Variants in TLL1 observed in about 807,000 individuals in gnomAD.
TLL1 encodes tolloid-like protein 1.
TLL1 carries 49 observed loss-of-function variants against 128.2 expected under a neutral mutation model. The ratio of observed to expected loss-of-function variants is 0.38; its 90% CI spans 0.30 to 0.48. TLL1 has a LOEUF of 0.48. Ranked by LOEUF, TLL1 falls within the 20% of genes least tolerant of loss-of-function variation. TLL1 has a pLI of 0.96. For missense variants in TLL1, 1,123 were observed against 1,242.0 expected (o/e 0.90, Z 1.44); for synonymous variants, 454 against 418.8 (o/e 1.08, Z -1.03).
chr4:165,950,896 A>G (rs1234510867), intron 1 of TLL1, among the ~76,000 whole-genome samples: 1 of 152,096 alleles, frequency 6.6e-6, no homozygotes, highest in African/African-American at 2.4e-5. Flanking sequence ...GAAGGAAATC[A>G]TAAAGATCAA....
chr4:166,024,671 T>C (rs1738409498), intron 8 of TLL1, among the ~76,000 whole-genome samples: 1 of 152,142 alleles, frequency 6.6e-6, no homozygotes, highest in Non-Finnish European at 1.5e-5. Context: ...TTAGACAAGC[T>C]TAGCAAGAGG....
At position 166,010,463 on chromosome 4, in the gene TLL1, T is replaced by A. The variant is rs1302780480; in HGVS notation, c.917+2415T>A. ...AATCTTTATTTAAGTCCTATGCCCA[T>A]GTCTAAATCAGGTTATTTGATTATT... On this transcript the variant is annotated intron_variant, in intron 7 of 20. Transcript: ENST00000061240. 2.0e-4 allele frequency among the ~76,000 whole-genome samples: 30 copies of A among 151,408 alleles called. No individual in the cohort carries two copies. The Admixed American group carries it at 2.0e-3, about 10-fold the overall frequency.
At chr4:165,994,672 A>G (rs1368387214) in intron 4 of TLL1, 139 bp downstream of exon 4, 1 of 977,122 alleles carries the variant, frequency 1.0e-6, no homozygotes, top group East Asian at 2.6e-5. Context: ...AACTTAGGTT[A>G]TTAGTGTAGA....
intron 5 of TLL1, among the ~76,000 whole-genome samples, chr4:165,999,680 C>T (rs1420086343): frequency 6.6e-6 from 1 of 151,110 alleles, no homozygotes; most frequent in African/African-American, 2.4e-5. Flanking sequence ...CACCATGTTG[C>T]CCAGGCTGGT....
intron 1 of TLL1, among the ~76,000 whole-genome samples, chr4:165,916,813 G>A (rs1364359780): frequency 6.6e-6 from 1 of 152,010 alleles, no homozygotes; most frequent in African/African-American, 2.4e-5. Context: ...TATACATTCC[G>A]ATTTTAGCAT....
At chr4:166,091,484 C>A in intron 19 of TLL1, 143 bp downstream of exon 19, 1 of 681,574 alleles carries the variant, frequency 1.5e-6, no homozygotes, top group Non-Finnish European at 2.5e-6. Context: ...GAAATATTTG[C>A]AGAACCATAC....
intron 1 of TLL1, among the ~76,000 whole-genome samples, chr4:165,899,845 T>C (rs890259299): frequency 6.6e-6 from 1 of 152,168 alleles, no homozygotes; most frequent in African/African-American, 2.4e-5. Flanking sequence ...ACTGTCATTG[T>C]GTAGGAGTCT....
intron 19 of TLL1, among the ~76,000 whole-genome samples, chr4:166,095,197 A>G (rs1223121267): frequency 1.3e-5 from 2 of 152,088 alleles, no homozygotes; most frequent in African/African-American, 2.4e-5. Context: ...AACACTATGA[A>G]TTTTTGAACT....
intron 1 of TLL1, among the ~76,000 whole-genome samples, chr4:165,936,855 C>G (rs1733786493): frequency 6.6e-6 from 1 of 152,100 alleles, no homozygotes; most frequent in African/African-American, 2.4e-5. Flanking sequence ...ATAGCTTGAA[C>G]ACGGGAGGCA....
chr4:166,101,820 G>A lies in TLL1; in HGVS notation c.*944G>A, dbSNP rs1047621767. 6.6e-6 allele frequency: 1 copy of A among 152,364 alleles called. No individual in the cohort carries two copies. The highest frequency in any genetic ancestry group is 1.5e-5 in the Non-Finnish European group (1 of 67,932). The allele number at this position is 152,364 out of a possible 1,614,324, so 9.4% of individuals were successfully genotyped here. On this transcript the variant is annotated 3_prime_UTR_variant, in exon 21 of 21. Transcript: ENST00000061240. ...TTGTTGTATTATTATTGTTGATGTT[G>A]TCATGGTTAATCTATTTTTTAAAAT...
At position 165,908,819 on chromosome 4, in the gene TLL1, G is replaced by A. The variant is rs1366333522; in HGVS notation, c.169+34746G>A. The stretch of plus-strand genomic sequence containing the variant: ...AGGCATGGTTGTGGCACAGGCCAAA[G>A]TGTTAGTTATGGAGGGAAGTATATG... On this transcript the variant is annotated intron_variant, in intron 1 of 20. Transcript: ENST00000061240. Among the ~76,000 whole-genome samples, 3 of 152,144 alleles carry A rather than the reference G, an allele frequency of 2.0e-5. No homozygotes were observed. In the East Asian group the frequency reaches 5.8e-4, roughly 30 times the overall value.
rs902666501 is a variant in TLL1 at position 166,103,620 on chromosome 4, G to C, written c.*2744G>C. On this transcript the variant is annotated 3_prime_UTR_variant, in exon 21 of 21. Transcript: ENST00000061240. ...TGAAAATTAATTTTTATTGTATCATGTCAAGTATCAGTTTACCACATATTA... is the reference window on the plus strand; with the variant it reads ...TGAAAATTAATTTTTATTGTATCATCTCAAGTATCAGTTTACCACATATTA... 1 of 151,766 alleles carries C rather than the reference G, an allele frequency of 6.6e-6. No homozygotes were observed. The highest frequency in any genetic ancestry group is 1.5e-5 in the Non-Finnish European group (1 of 67,832). The allele number at this position is 151,766 out of a possible 1,614,324, so 9.4% of individuals were successfully genotyped here.
chr4:166,075,253 G>T (rs1316696774), intron 17 of TLL1, among the ~76,000 whole-genome samples: 1 of 152,170 alleles, frequency 6.6e-6, no homozygotes, highest in African/African-American at 2.4e-5. Flanking sequence ...CCATCTGGTA[G>T]CCAGAAAAGC....
At chr4:165,927,646 C>T (rs79389190) in intron 1 of TLL1, among the ~76,000 whole-genome samples, 5 of 151,994 alleles carry the variant, frequency 3.3e-5, no homozygotes, top group Admixed American at 1.3e-4. Flanking sequence ...TCATCTAGGG[C>T]GGTTATTCCC....
At chr4:166,031,122 T>C (rs72974360) in intron 9 of TLL1, among the ~76,000 whole-genome samples, 2,581 of 152,198 alleles carry the variant, frequency 0.017, 81 homozygotes, top group African/African-American at 0.059. Context: ...AAGGCAGTTT[T>C]CCCAAATTCT....
intron 1 of TLL1, among the ~76,000 whole-genome samples, chr4:165,974,727 A>G (rs1337593720): frequency 6.6e-6 from 1 of 152,340 alleles, no homozygotes; most frequent in South Asian, 2.1e-4. Context: ...TTATACTTAT[A>G]TTATATCCCA....
At chr4:166,076,600 C>T (rs17047228) in intron 17 of TLL1, among the ~76,000 whole-genome samples, 9,761 of 152,200 alleles carry the variant, frequency 0.064, 548 homozygotes, top group African/African-American at 0.14. Context: ...ACCTTCACTA[C>T]GGTACATGCT....
chr4:165,928,821 C>T (rs758469285), intron 1 of TLL1, among the ~76,000 whole-genome samples: 6 of 152,164 alleles, frequency 3.9e-5, no homozygotes, highest in African/African-American at 1.2e-4. Flanking sequence ...TCTTAACTTG[C>T]GCCTCATTGT....
At chr4:166,009,304 A>G (rs1176760960) in intron 7 of TLL1, among the ~76,000 whole-genome samples, 2 of 151,486 alleles carry the variant, frequency 1.3e-5, no homozygotes, top group African/African-American at 4.8e-5. Context: ...CTCTTCTGCT[A>G]CTGAGTTATA....
Sources: allele counts gnomAD v4.1 joint callset (sites outside exome capture counted in the v4.1 genomes callset), GRCh38; gene constraint gnomAD v4.1.1; transcripts MANE v1.5; gene names NCBI Gene and HGNC (gene_info 2026-07-23, HGNC 2026-07-21).